ACOT7: variants seen among roughly 807,000 people sequenced by gnomAD.
ACOT7 encodes the protein cytosolic acyl coenzyme A thioester hydrolase.
Under a neutral mutation model 40.2 loss-of-function variants are expected in ACOT7, and 12 were observed. The ratio of observed to expected loss-of-function variants is 0.30; its 90% CI spans 0.19 to 0.48. The LOEUF (loss-of-function observed/expected upper bound fraction) is 0.48, where lower values mean the gene tolerates loss of function less well. Ranked by LOEUF, ACOT7 falls within the 20% of genes least tolerant of loss-of-function variation. ACOT7 has a pLI of 0.99. For missense variants in ACOT7, 395 were observed against 530.8 expected (o/e 0.74, Z 2.51); for synonymous variants, 228 against 219.5 (o/e 1.04, Z -0.34).
In ACOT7 at chr1:6,327,310, A is replaced by G. The variant is rs1640829838; in HGVS notation, c.614T>C (p.Val205Ala). The G allele has an allele frequency of 6.2e-7, 1 of 1,613,998 alleles. No homozygotes were observed. The highest frequency in any genetic ancestry group is 1.7e-5 in the Admixed American group (1 of 60,002). ...KWRNGDIVQP[V>A]LNPEPNTVSY... ...TCCGCGGCTCTTACCTGGGTTGAGG[A>G]CTGGCTGGACGATGTCCCCGTTCCT... Residue 205 changes from valine to alanine, a missense_variant, in exon 5 of 9, where the codon GTC becomes GCC. Val to Ala is a moderately conservative substitution (Grantham distance 64, BLOSUM62 0). This residue lies in a region of ACOT7 where 309 missense variants were observed against 470.3 expected (regional missense o/e 0.66). Coordinates refer to ENST00000361521, the MANE Select transcript of ACOT7 (RefSeq NM_007274.4).
rs555301601 is a variant in ACOT7, at chr1:6,372,996, C to T, written c.143+20261G>A. Among the ~76,000 whole-genome samples, 48 of 152,170 alleles carry T rather than the reference C, an allele frequency of 3.2e-4. No individual in the cohort carries two copies. In the South Asian group the frequency reaches 9.8e-3, roughly 31 times the overall value. ...AAAGGGAGAGAGATGGGGAAATAGC[C>T]GGTCAGTGGGGCAGTCAGAACACAT... On this transcript the variant is annotated intron_variant, in intron 1 of 8. Transcript: ENST00000361521.
rs1019552525 is a variant in ACOT7, at chr1:6,330,660, C to T, written c.510+2817G>A. Reference sequence around the variant, plus strand: ...AATTACTGGGCAAGGAGAGGCGAGGCTAACAGGGGCCACGCTGAAAGCACC... The same window carrying T: ...AATTACTGGGCAAGGAGAGGCGAGGTTAACAGGGGCCACGCTGAAAGCACC... On this transcript the variant is annotated intron_variant, in intron 4 of 8. Transcript: ENST00000361521. The surrounding 1 kb of genome is among the most constrained non-coding windows in gnomAD (Gnocchi z 4.6). 3.9e-5 allele frequency among the ~76,000 whole-genome samples: 6 copies of T among 152,260 alleles called. No individual in the cohort carries two copies. Among genetic ancestry groups the T allele is most frequent in the African/African-American group, 1.2e-4 (5 of 41,546 alleles).
intron 1 of ACOT7, among the ~76,000 whole-genome samples, chr1:6,387,962 C>T (rs1353548810): frequency 2.3e-4 from 33 of 143,250 alleles, no homozygotes; most frequent in African/African-American, 9.0e-4. Context: ...TTTTTTGAGA[C>T]GGAGTTTTGC....
At chr1:6,295,022 G>A in intron 6 of ACOT7, 42 bp from the exon 7 acceptor site, 1 of 1,485,616 alleles carries the variant, frequency 6.7e-7, no homozygotes, top group South Asian at 1.1e-5. Context: ...CACGGAGGCA[G>A]AGGAGATTAT....
intron 6 of ACOT7, 40 bp from the exon 7 acceptor site, chr1:6,295,020 C>A: frequency 6.7e-7 from 1 of 1,489,500 alleles, no homozygotes; most frequent in Non-Finnish European, 9.3e-7. Context: ...GACACGGAGG[C>A]AGAGGAGATT....
At chr1:6,375,827 G>C (rs1448749983) in intron 1 of ACOT7, among the ~76,000 whole-genome samples, 1 of 151,552 alleles carries the variant, frequency 6.6e-6, no homozygotes, top group East Asian at 2.0e-4. Flanking sequence ...AGTCCCAGCT[G>C]CTCGGGAGGC....
At chr1:6,287,298 T>C (rs946449455) in intron 7 of ACOT7, among the ~76,000 whole-genome samples, 2 of 152,248 alleles carry the variant, frequency 1.3e-5, no homozygotes, top group African/African-American at 4.8e-5. Flanking sequence ...CACCAAAGCA[T>C]GGGCTCAGAG....
At chr1:6,284,669 T>TCTC (rs1639452986) in intron 7 of ACOT7, among the ~76,000 whole-genome samples, 1 of 146,818 alleles carries the variant, frequency 6.8e-6, no homozygotes, top group Non-Finnish European at 1.5e-5. Context: ...CACCAAATCC[T>TCTC]CTCCGCCTCC....
chr1:6,332,537 C>T (rs1281802729), intron 4 of ACOT7, among the ~76,000 whole-genome samples: 1 of 152,186 alleles, frequency 6.6e-6, no homozygotes, highest in East Asian at 1.9e-4. Flanking sequence ...GTGCTTCTGC[C>T]GGGCGCAGTG....
rs1571359223 is a variant in ACOT7, at chr1:6,387,947, T to C, written c.143+5310A>G. Among the ~76,000 whole-genome samples the C allele has an allele frequency of 4.6e-5, 7 of 151,632 alleles. No individual in the cohort carries two copies. The East Asian group carries it at 1.2e-3, about 25-fold the overall frequency. ...ATCAGGTTCTTTGTTTTTTTTTTTT[T>C]CTTTTTTTTTGAGACGGAGTTTTGC... On this transcript the variant is annotated intron_variant, in intron 1 of 8. Transcript: ENST00000361521.
chr1:6,282,625 G>A lies in ACOT7; in HGVS notation c.830-1339C>T. On this transcript the variant is annotated intron_variant, in intron 7 of 8. Coordinates refer to ENST00000361521, the MANE Select transcript of ACOT7 (RefSeq NM_007274.4). This position sits in a 1 kb window ranked among gnomAD's most constrained non-coding sequence, Gnocchi z 4.5. ...CCCAGAGTGAGAAAGCGGCCAGGTG[G>A]TGGCTGTTGGAGGGCGGTTAGCAGG... is the stretch of plus-strand genomic sequence containing the variant. The A allele has an allele frequency of 2.1e-6, 2 of 952,590 alleles. No homozygotes were observed. The highest frequency in any genetic ancestry group is 4.7e-5 in the Admixed American group (2 of 42,800). The allele number at this position is 952,590 out of a possible 1,614,324, so 59.0% of individuals were successfully genotyped here. A position where few individuals can be genotyped will look rare whatever the true frequency, so the allele number is the denominator to read the frequency against.
chr1:6,265,349 C>T (rs1638798118), intron 8 of ACOT7, among the ~76,000 whole-genome samples: 1 of 152,194 alleles, frequency 6.6e-6, no homozygotes, highest in Non-Finnish European at 1.5e-5. Context: ...GAGAAGTGGG[C>T]AGATGCTGTG....
chr1:6,333,401 G>A (rs1641013689), intron 4 of ACOT7, 76 bp downstream of exon 4: 6 of 1,533,256 alleles, frequency 3.9e-6, no homozygotes, highest in East Asian at 4.5e-5. Flanking sequence ...TTAGCTGAAC[G>A]AGCCTCCCAA....
intron 8 of ACOT7, among the ~76,000 whole-genome samples, chr1:6,272,458 C>T (rs1398742983): frequency 6.6e-6 from 1 of 152,216 alleles, no homozygotes; most frequent in African/African-American, 2.4e-5. Flanking sequence ...GTGTCCAGCA[C>T]ACCTAGGCTT....
At chr1:6,271,906 G>A (rs987447424) in intron 8 of ACOT7, among the ~76,000 whole-genome samples, 1 of 152,276 alleles carries the variant, frequency 6.6e-6, no homozygotes, top group South Asian at 2.1e-4. Context: ...CACCACAAAG[G>A]GGAGAAAAGG....
chr1:6,274,413 C>T lies in ACOT7; in HGVS notation c.1014+6689G>A, dbSNP rs1265486716. Reference sequence around the variant, plus strand: ...TTCAGCTGACTTAAGCCCTGGGGCCCATCCCGCCCCTCCAGCTGAACAGCA... The same window carrying T: ...TTCAGCTGACTTAAGCCCTGGGGCCTATCCCGCCCCTCCAGCTGAACAGCA... On this transcript the variant is annotated intron_variant, in intron 8 of 8. Coordinates refer to ENST00000361521, the MANE Select transcript of ACOT7 (RefSeq NM_007274.4). The surrounding 1 kb of genome is among the most constrained non-coding windows in gnomAD (Gnocchi z 5.9). Among the ~76,000 whole-genome samples, 1 of 152,218 alleles carries T rather than the reference C, an allele frequency of 6.6e-6. No homozygotes were observed.
At chr1:6,284,263 G>A (rs1639436329) in intron 7 of ACOT7, among the ~76,000 whole-genome samples, 1 of 152,118 alleles carries the variant, frequency 6.6e-6, no homozygotes, top group Non-Finnish European at 1.5e-5. Flanking sequence ...CTCTGTTCCT[G>A]CTCTAGCCCT....
At chr1:6,329,158 T>A (rs1404316389) in intron 4 of ACOT7, among the ~76,000 whole-genome samples, 1 of 152,210 alleles carries the variant, frequency 6.6e-6, no homozygotes, top group African/African-American at 2.4e-5. Context: ...GTTTTAAACA[T>A]CTCGATAATT....
chr1:6,299,834 C>G lies in ACOT7; in HGVS notation c.713-4854G>C, dbSNP rs570057106. On this transcript the variant is annotated intron_variant, in intron 6 of 8. Transcript: ENST00000361521. This position sits in a 1 kb window ranked among gnomAD's most constrained non-coding sequence, Gnocchi z 4.1. ...GGACTAGTGGTCCCACTCACACACA[C>G]AGCCAGCACAGGTGTGCCACGGAAT... 8.5e-5 allele frequency among the ~76,000 whole-genome samples: 13 copies of G among 152,334 alleles called. No homozygotes were observed. The highest frequency in any genetic ancestry group is 4.1e-4 in the South Asian group (2 of 4,828).
Sources: allele counts gnomAD v4.1 joint callset (sites outside exome capture counted in the v4.1 genomes callset), GRCh38; gene constraint gnomAD v4.1.1; regional missense constraint gnomAD v4.1.1; non-coding constraint Gnocchi (gnomAD v3.1); transcripts MANE v1.5; gene names NCBI Gene and HGNC (gene_info 2026-07-23, HGNC 2026-07-21).